Variants in STK33 observed in about 807,000 individuals in gnomAD.
STK33 encodes the protein serine/threonine kinase 33, also known as serine/threonine-protein kinase 33.
Under a neutral mutation model 58.0 loss-of-function variants are expected in STK33, and 52 were observed. The ratio of observed to expected loss-of-function variants is 0.90; its 90% CI spans 0.72 to 1.13. The LOEUF (loss-of-function observed/expected upper bound fraction) is 1.13. Among genes scored for constraint, STK33 ranks in the 50% most tolerant of loss-of-function variants. The pLI, the probability that STK33 is intolerant of heterozygous loss-of-function variation, is 0.00. For missense variants in STK33, 630 were observed against 604.2 expected, an observed-to-expected ratio of 1.04 and a Z score of -0.45; for synonymous variants, 215 against 200.1, an observed-to-expected ratio of 1.07 and a Z score of -0.63.
intron 1 of STK33, among the ~76,000 whole-genome samples, chr11:8,593,131 C>G (rs751286410): frequency 6.6e-5 from 10 of 151,946 alleles, no homozygotes; most frequent in Non-Finnish European, 1.3e-4. Flanking sequence ...TTGGTATGAC[C>G]CATTGAGATA....
chr11:8,566,703 T>C (rs1438903924), intron 1 of STK33, among the ~76,000 whole-genome samples: 1 of 152,230 alleles, frequency 6.6e-6, no homozygotes, highest in Non-Finnish European at 1.5e-5. Flanking sequence ...TACCCAAGTC[T>C]CTTCCACAGC....
At chr11:8,563,237 T>C (rs1334467564) in intron 1 of STK33, among the ~76,000 whole-genome samples, 1 of 152,160 alleles carries the variant, frequency 6.6e-6, no homozygotes, top group African/African-American at 2.4e-5. Flanking sequence ...TTCCTTGGGA[T>C]TCAAAGTTAG....
chr11:8,334,951 T>G, the STK33 span, among the ~76,000 whole-genome samples: 1 of 152,150 alleles, frequency 6.6e-6, no homozygotes, highest in Non-Finnish European at 1.5e-5. Flanking sequence ...TCCAGCCAAG[T>G]GGGAGACACA....
At chr11:8,527,996 T>C (rs1954198567) in intron 1 of STK33, among the ~76,000 whole-genome samples, 1 of 152,218 alleles carries the variant, frequency 6.6e-6, no homozygotes, top group Admixed American at 6.5e-5. Flanking sequence ...TTCATGATGT[T>C]TACCTACAGG....
At chr11:8,385,376 C>A in the STK33 span, among the ~76,000 whole-genome samples, 1 of 152,160 alleles carries the variant, frequency 6.6e-6, no homozygotes, top group African/African-American at 2.4e-5. Flanking sequence ...CAGGACCTGA[C>A]CCCTGTCTCT....
At chr11:8,399,006 A>C (rs1474010198) in intron 15 of STK33, among the ~76,000 whole-genome samples, 1 of 152,202 alleles carries the variant, frequency 6.6e-6, no homozygotes, top group Non-Finnish European at 1.5e-5. Context: ...AGACTCCAAC[A>C]CAATAATAAT....
chr11:8,591,056 A>G (rs1362791715), intron 1 of STK33, among the ~76,000 whole-genome samples: 1 of 152,214 alleles, frequency 6.6e-6, no homozygotes, highest in East Asian at 1.9e-4. Context: ...CTCTTTCAGA[A>G]GGATACTTCT....
At chr11:8,348,062 A>G in the STK33 span, among the ~76,000 whole-genome samples, 1 of 152,220 alleles carries the variant, frequency 6.6e-6, no homozygotes, top group Admixed American at 6.5e-5. Flanking sequence ...CCCCAACCCC[A>G]TCTGGGTGAC....
chr11:8,512,298 T>G (rs752832900), intron 1 of STK33, among the ~76,000 whole-genome samples: 1 of 151,054 alleles, frequency 6.6e-6, no homozygotes, highest in Non-Finnish European at 1.5e-5. Flanking sequence ...ATATAAGATC[T>G]CGTTCTTGGT....
downstream of STK33, among the ~76,000 whole-genome samples, chr11:8,389,128 A>G (rs1384065441): frequency 6.6e-6 from 1 of 152,210 alleles, no homozygotes; most frequent in African/African-American, 2.4e-5. Flanking sequence ...TCATAAAGGC[A>G]CTGAGAGGGT....
chr11:8,373,126 T>A, the STK33 span, among the ~76,000 whole-genome samples: 99 of 152,284 alleles, frequency 6.5e-4, no homozygotes, highest in East Asian at 2.1e-3. Context: ...CCATATGGTC[T>A]CTCACCCTCC....
At chr11:8,489,442 G>A (rs1432053186) in intron 1 of STK33, among the ~76,000 whole-genome samples, 1 of 152,020 alleles carries the variant, frequency 6.6e-6, no homozygotes, top group Non-Finnish European at 1.5e-5. Flanking sequence ...AAGCTTATTT[G>A]GCTCATGGTT....
chr11:8,592,245 G>A (rs574776473), intron 1 of STK33, among the ~76,000 whole-genome samples: 102 of 152,228 alleles, frequency 6.7e-4, no homozygotes, highest in South Asian at 6.2e-4. Flanking sequence ...TCCAGCCAAA[G>A]CCCAGCATAG....
At chr11:8,501,981 G>A (rs569385664) in intron 1 of STK33, among the ~76,000 whole-genome samples, 3 of 152,222 alleles carry the variant, frequency 2.0e-5, no homozygotes, top group South Asian at 4.1e-4. Context: ...GTCCAGAATA[G>A]GCAAATCATA....
intron 6 of STK33, among the ~76,000 whole-genome samples, chr11:8,468,231 CT>C: frequency 6.6e-6 from 1 of 152,128 alleles, no homozygotes; most frequent in Non-Finnish European, 1.5e-5. Flanking sequence ...CCATCACATC[CT>C]ATGAGATCCA....
chr11:8,400,543 C>A (rs1463258606), intron 15 of STK33, among the ~76,000 whole-genome samples: 2 of 152,234 alleles, frequency 1.3e-5, no homozygotes, highest in East Asian at 3.9e-4. Context: ...GGAAGCATTC[C>A]CTTTGAAAAC....
intron 1 of STK33, among the ~76,000 whole-genome samples, chr11:8,566,338 C>G (rs1450215345): frequency 3.3e-5 from 5 of 152,178 alleles, no homozygotes; most frequent in Admixed American, 3.3e-4. Context: ...ATCTTAGACC[C>G]ACATTGTCTT....
At chr11:8,504,968 G>C (rs1278093893) in intron 1 of STK33, among the ~76,000 whole-genome samples, 1 of 152,128 alleles carries the variant, frequency 6.6e-6, no homozygotes, top group African/African-American at 2.4e-5. Context: ...CTACACAATG[G>C]TGTGTTCATG....
intron 1 of STK33, among the ~76,000 whole-genome samples, chr11:8,559,041 A>C (rs1387555095): frequency 6.6e-6 from 1 of 152,194 alleles, no homozygotes; most frequent in Admixed American, 6.5e-5. Flanking sequence ...AGATTGGTAT[A>C]ATTCACATGG....
Sources: allele counts gnomAD v4.1 joint callset (sites outside exome capture counted in the v4.1 genomes callset), GRCh38; gene constraint gnomAD v4.1.1; transcripts MANE v1.5; gene names NCBI Gene and HGNC (gene_info 2026-07-23, HGNC 2026-07-21).